DNAJC27: variants seen among roughly 807,000 people sequenced by gnomAD.
DNAJC27 encodes dnaJ homolog subfamily C member 27.
A neutral mutation model predicts 31.4 loss-of-function variants in DNAJC27; 25 were observed. The ratio of observed to expected loss-of-function variants is 0.80; its 90% confidence interval spans 0.58 to 1.11. The LOEUF is 1.11. Among genes scored for constraint, DNAJC27 ranks in the 50% most tolerant of loss-of-function variants. The pLI is 0.00. For synonymous variants in DNAJC27, 106 were observed against 112.7 expected (o/e 0.94, Z 0.37); for missense variants, 356 against 347.3 (o/e 1.02, Z -0.20).
chr2:24,968,138 T>C (rs1666236761), intron 1 of DNAJC27, among the ~76,000 whole-genome samples: 1 of 152,198 alleles, frequency 6.6e-6, no homozygotes, highest in Non-Finnish European at 1.5e-5. Flanking sequence ...CAGAGTATTG[T>C]ACATACTTCT....
At chr2:24,970,591 A>G (rs992487052) in intron 1 of DNAJC27, among the ~76,000 whole-genome samples, 1 of 151,342 alleles carries the variant, frequency 6.6e-6, no homozygotes, top group Admixed American at 6.6e-5. Flanking sequence ...CGGCCTCCCA[A>G]GTAGCTGGGA....
chr2:24,967,675 TG>T (rs1409012278), intron 1 of DNAJC27, among the ~76,000 whole-genome samples: 3 of 150,332 alleles, frequency 2.0e-5, no homozygotes, highest in African/African-American at 7.4e-5. Context: ...CACTCCAGCC[TG>T]GGTGGTAAGA....
intron 3 of DNAJC27, among the ~76,000 whole-genome samples, chr2:24,962,615 G>T (rs1034697517): frequency 5.3e-5 from 8 of 152,182 alleles, no homozygotes; most frequent in Non-Finnish European, 8.8e-5. Flanking sequence ...GGAAATTAAA[G>T]AAATACATTG....
At chr2:24,964,743 T>C (rs1489138062) in intron 2 of DNAJC27, among the ~76,000 whole-genome samples, 1 of 152,218 alleles carries the variant, frequency 6.6e-6, no homozygotes, top group Non-Finnish European at 1.5e-5. Context: ...AATAGTCTGT[T>C]GACTATACCA....
intron 3 of DNAJC27, among the ~76,000 whole-genome samples, chr2:24,961,100 C>A (rs1355599477): frequency 6.6e-6 from 1 of 152,188 alleles, no homozygotes; most frequent in Non-Finnish European, 1.5e-5. Flanking sequence ...TTGTTACGGG[C>A]TGACAGAGCT....
chr2:24,965,064 G>A (rs918145960), intron 2 of DNAJC27, among the ~76,000 whole-genome samples: 9 of 151,634 alleles, frequency 5.9e-5, no homozygotes, highest in Non-Finnish European at 1.3e-4. Context: ...AAATTAGCTG[G>A]GCGTGGTGAC....
At chr2:24,962,567 C>A (rs1369907813) in intron 3 of DNAJC27, among the ~76,000 whole-genome samples, 1 of 152,060 alleles carries the variant, frequency 6.6e-6, no homozygotes, top group Non-Finnish European at 1.5e-5. Context: ...GAATAACACA[C>A]TTCTAAATAA....
chr2:24,966,250 G>C (rs1015211968), intron 2 of DNAJC27, among the ~76,000 whole-genome samples: 1 of 152,148 alleles, frequency 6.6e-6, no homozygotes, highest in Non-Finnish European at 1.5e-5. Flanking sequence ...GGAAAGTAAA[G>C]TGTGTAACAG....
chr2:24,959,168 C>T (rs1426791032), intron 3 of DNAJC27, among the ~76,000 whole-genome samples: 1 of 152,146 alleles, frequency 6.6e-6, no homozygotes, highest in African/African-American at 2.4e-5. Flanking sequence ...ACGACGGGCT[C>T]TCTCTTCTTT....
intron 3 of DNAJC27, among the ~76,000 whole-genome samples, chr2:24,962,448 G>T (rs908039178): frequency 6.6e-6 from 1 of 152,086 alleles, no homozygotes; most frequent in African/African-American, 2.4e-5. Context: ...TAGAGACAGG[G>T]TTTCCCCATG....
intron 1 of DNAJC27, among the ~76,000 whole-genome samples, chr2:24,970,010 A>G (rs140592250): frequency 7.0e-4 from 107 of 152,342 alleles, no homozygotes; most frequent in African/African-American, 2.3e-3. Flanking sequence ...AGGAAAAAGT[A>G]TATCTTTCCA....
At chr2:24,971,446 G>A (rs1306390075) in intron 1 of DNAJC27, 2 of 167,144 alleles carry the variant, frequency 1.2e-5, no homozygotes, top group Non-Finnish European at 2.6e-5. Context: ...CCCAGGCCCG[G>A]CTGGGGGAAC....
At chr2:24,950,519 A>C (rs1049875920) in intron 6 of DNAJC27, among the ~76,000 whole-genome samples, 3 of 152,230 alleles carry the variant, frequency 2.0e-5, no homozygotes, top group African/African-American at 7.2e-5. Flanking sequence ...TTTTTTCTTA[A>C]ATAACTCTTT....
At chr2:24,959,407 T>C (rs1665988016) in intron 3 of DNAJC27, among the ~76,000 whole-genome samples, 1 of 152,230 alleles carries the variant, frequency 6.6e-6, no homozygotes, top group Non-Finnish European at 1.5e-5. Context: ...AGCCCTCTCC[T>C]CTGAGGTTCC....
intron 1 of DNAJC27, among the ~76,000 whole-genome samples, chr2:24,970,701 C>T (rs1267517737): frequency 2.6e-5 from 4 of 151,550 alleles, no homozygotes; most frequent in Admixed American, 2.6e-4. Flanking sequence ...GTGATCCGCC[C>T]GCCTCGTCCT....
At position 24,950,019 on chromosome 2, in the gene DNAJC27, A is replaced by G. The variant is rs1368981633; in HGVS notation, c.689+1375T>C. Among the ~76,000 whole-genome samples the G allele has an allele frequency of 2.7e-5, 4 of 150,336 alleles. No homozygotes were observed. The East Asian group carries it at 7.7e-4, about 29-fold the overall frequency. ...GATCCTTAATAGTCAAATAATCTTG[A>G]AAAAAAATAGGAAGACTCACATTTT... On this transcript the variant is annotated intron_variant, in intron 6 of 6. Coordinates refer to ENST00000264711, the MANE Select transcript of DNAJC27 (RefSeq NM_016544.3).
intron 6 of DNAJC27, among the ~76,000 whole-genome samples, chr2:24,948,542 G>A (rs757699347): frequency 6.6e-6 from 1 of 152,206 alleles, no homozygotes; most frequent in Non-Finnish European, 1.5e-5. Context: ...ATGACAATGA[G>A]CTCACGAGAC....
intron 6 of DNAJC27, 77 bp from the exon 7 acceptor site, chr2:24,947,825 T>G: frequency 6.6e-7 from 1 of 1,507,966 alleles, no homozygotes; most frequent in African/African-American, 1.4e-5. Flanking sequence ...TGGACACACA[T>G]AGTATCTCTT....
rs551549545 is a variant in DNAJC27 at position 24,965,987 on chromosome 2, G to A, written c.170+1224C>T. Among the ~76,000 whole-genome samples, 4 of 152,190 alleles carry A rather than the reference G, an allele frequency of 2.6e-5. No individual in the cohort carries two copies. In the South Asian group the frequency reaches 8.3e-4, roughly 32 times the overall value. On this transcript the variant is annotated intron_variant, in intron 2 of 6. Transcript: ENST00000264711. ...TTTCAGGGAGTTTATAATCTAGCAG[G>A]AGACATTACACATATACAAATAATA...
Sources: gnomAD v4.1 joint callset for allele counts (sites outside exome capture counted in the v4.1 genomes callset) on GRCh38, gnomAD v4.1.1 for gene constraint, MANE v1.5 for transcripts, NCBI Gene and HGNC (gene_info 2026-07-23, HGNC 2026-07-21) for gene names.